Variants in ABCA12 observed in about 807,000 individuals in gnomAD.
ABCA12 encodes the protein ATP binding cassette subfamily A member 12.
ABCA12 carries 156 observed loss-of-function variants against 293.5 expected under a neutral mutation model. The observed-to-expected ratio is 0.53, with a 90% CI of 0.47 to 0.61. ABCA12 has a LOEUF of 0.61. ABCA12 is among the 20% of genes least tolerant of loss of function. The pLI is 0.00. For synonymous variants in ABCA12, 1,063 were observed against 1,108.0 expected (o/e 0.96, Z 0.81); for missense variants, 2,797 against 3,090.2 (o/e 0.91, Z 2.25).
rs1699587892 is a variant in ABCA12 at position 214,978,983 on chromosome 2, G to A, written c.4798C>T (p.Gln1600Ter). The change falls in exon 32 of 53, where the codon CAA becomes TAA. Residue 1600 changes from glutamine to a stop codon, truncating the protein, a stop_gained. Coordinates refer to ENST00000272895, the MANE Select transcript of ABCA12 (RefSeq NM_173076.3). LOFTEE classifies it high-confidence loss of function. ...AGGTAGGCTTCGGGGAGATGTGATT[G>A]GATCATTGCTGTCACGGCCATGGTG... ...CDTMAVTAMI[Q>*]SHLPEAYLKE... The A allele has an allele frequency of 6.2e-7, 1 of 1,614,032 alleles. No homozygotes were observed.
chr2:215,123,270 T>C (rs1702846716), intron 1 of ABCA12, among the ~76,000 whole-genome samples: 1 of 152,094 alleles, frequency 6.6e-6, no homozygotes, highest in Non-Finnish European at 1.5e-5. Context: ...ACCTCCTAGA[T>C]CCAGTGATTC....
At chr2:215,131,300 C>G (rs1703049683) in intron 1 of ABCA12, among the ~76,000 whole-genome samples, 1 of 151,752 alleles carries the variant, frequency 6.6e-6, no homozygotes, top group African/African-American at 2.4e-5. Context: ...AATAGTTTCA[C>G]CAAGATTGGT....
At chr2:215,090,784 C>T (rs1238293519) in intron 2 of ABCA12, among the ~76,000 whole-genome samples, 1 of 152,160 alleles carries the variant, frequency 6.6e-6, no homozygotes, top group Non-Finnish European at 1.5e-5. Context: ...TCTCTACCCT[C>T]TTTTATCTAG....
chr2:215,012,949 G>A (rs962680237), intron 15 of ABCA12: 3 of 152,156 alleles, frequency 2.0e-5, no homozygotes. Context: ...TGATTTATCA[G>A]GCTAAGTCAT....
intron 8 of ABCA12, among the ~76,000 whole-genome samples, chr2:215,036,330 T>C (rs946924497): frequency 6.6e-6 from 1 of 152,224 alleles, no homozygotes; most frequent in African/African-American, 2.4e-5. Context: ...AAGGTAAAAG[T>C]TGAAATATGT....
chr2:215,118,459 C>A (rs1344429541), intron 1 of ABCA12, among the ~76,000 whole-genome samples: 1 of 151,964 alleles, frequency 6.6e-6, no homozygotes, highest in African/African-American at 2.4e-5. Context: ...AATACAATTT[C>A]TATATTTCAA....
chr2:215,010,429 G>T lies in ABCA12; in HGVS notation c.2374C>A (p.Pro792Thr), dbSNP rs1700346497. 6.2e-7 allele frequency: 1 copy of T among 1,613,628 alleles called. No individual in the cohort carries two copies. The highest frequency in any genetic ancestry group is 8.5e-7 in the Non-Finnish European group (1 of 1,179,744). Residue 792 changes from proline (P) to threonine (T), a missense_variant, in exon 18 of 53, where the codon CCC becomes ACC. Transcript: ENST00000272895. ...AAAGCCCAAATCACAGGTCCAGCGG[G>T]CATGTTAATGATGTCTTTATAAAGG... Reference protein sequence around the residue: ...FSLYKDIINMPAGPVIWAFLK... With the variant: ...FSLYKDIINMTAGPVIWAFLK...
chr2:214,950,536 ACT>A (rs773489633), intron 45 of ABCA12, among the ~76,000 whole-genome samples: 18 of 144,860 alleles, frequency 1.2e-4, no homozygotes, highest in Non-Finnish European at 2.6e-4. Context: ...AGGCAGAATC[ACT>A]CTGTCACCCA....
intron 3 of ABCA12, among the ~76,000 whole-genome samples, chr2:215,063,420 G>A (rs1434531954): frequency 2.0e-5 from 3 of 151,908 alleles, no homozygotes; most frequent in African/African-American, 4.8e-5. Flanking sequence ...AGACAGATAG[G>A]CTTCTGGGAG....
chr2:214,994,673 A>G (rs1699998005), intron 23 of ABCA12, among the ~76,000 whole-genome samples: 1 of 152,212 alleles, frequency 6.6e-6, no homozygotes, highest in Non-Finnish European at 1.5e-5. Context: ...TTAGTATGAT[A>G]TAAAGGATGT....
At chr2:214,987,858 A>G (rs1169597314) in intron 26 of ABCA12, 65 bp from the exon 27 acceptor site, 3 of 1,565,100 alleles carry the variant, frequency 1.9e-6, no homozygotes, top group Non-Finnish European at 2.6e-6. Flanking sequence ...CATCAGAAAC[A>G]AAACAGTAGA....
chr2:214,955,932 C>T (rs1391001754), intron 42 of ABCA12, among the ~76,000 whole-genome samples: 1 of 152,094 alleles, frequency 6.6e-6, no homozygotes, highest in Non-Finnish European at 1.5e-5. Context: ...TTTTAGGTTG[C>T]TCAGAAATAT....
rs191670598 is a variant in ABCA12 at position 214,970,372 on chromosome 2, G to T, written c.5591C>A (p.Pro1864Gln). Reference protein sequence around the residue: ...QECPKFNYSPPHRRTYSSQVI... With the variant: ...QECPKFNYSPQHRRTYSSQVI... ...CTGGGATGAGTAAGTTCTTCTGTGC[G>T]GTGGGGAATAGTTAAATTTAGGACA... The change falls in exon 37 of 53, where the codon CCG (proline) becomes CAG (glutamine). Residue 1864 changes from proline (P) to glutamine (Q), a missense_variant. By Grantham distance (76) the Pro-to-Gln change is moderately conservative. This residue lies in a region of ABCA12 where 2,130 missense variants were observed against 2,427.0 expected (regional missense o/e 0.88). Transcript: ENST00000272895. 4 of 1,613,156 alleles carry T rather than the reference G, an allele frequency of 2.5e-6. No homozygotes were observed. The highest frequency in any genetic ancestry group is 3.4e-6 in the Non-Finnish European group (4 of 1,179,382).
intron 1 of ABCA12, among the ~76,000 whole-genome samples, chr2:215,114,776 G>A (rs1449820483): frequency 5.3e-5 from 8 of 152,130 alleles, no homozygotes; most frequent in Admixed American, 5.2e-4. Flanking sequence ...AGACTAGAAA[G>A]AATTAAGGTT....
At position 214,995,533 on chromosome 2, in the gene ABCA12, T is replaced by C. The variant is rs867381131; in HGVS notation, c.3294+2162A>G. Among the ~76,000 whole-genome samples, 4 of 152,148 alleles carry C rather than the reference T, an allele frequency of 2.6e-5. No homozygotes were observed. In the South Asian group the frequency reaches 8.3e-4, roughly 32 times the overall value. Reference sequence around the variant, plus strand: ...TTCCGTTCTACTGCCAGATCTACCATTAACTAGCTCCAAGGTCTTCAGCAA... The same window carrying C: ...TTCCGTTCTACTGCCAGATCTACCACTAACTAGCTCCAAGGTCTTCAGCAA... On this transcript the variant is annotated intron_variant, in intron 23 of 52. Coordinates refer to ENST00000272895, the MANE Select transcript of ABCA12 (RefSeq NM_173076.3).
At chr2:214,973,384 T>C (rs1699431237) in intron 36 of ABCA12, among the ~76,000 whole-genome samples, 1 of 152,222 alleles carries the variant, frequency 6.6e-6, no homozygotes, top group South Asian at 2.1e-4. Flanking sequence ...CTTGAACTTC[T>C]CTAGTGAATG....
chr2:215,092,290 G>T (rs561078203), intron 2 of ABCA12, among the ~76,000 whole-genome samples: 1 of 152,056 alleles, frequency 6.6e-6, no homozygotes, highest in African/African-American at 2.4e-5. Flanking sequence ...TGCCAATTTG[G>T]ACAATATTCT....
chr2:214,933,003 G>A (rs112928757), intron 52 of ABCA12, among the ~76,000 whole-genome samples: 127 of 152,124 alleles, frequency 8.3e-4, no homozygotes, highest in African/African-American at 2.8e-3. Context: ...TTATAATCAT[G>A]TCAATCTTAA....
chr2:215,088,255 A>G (rs1294298670), intron 2 of ABCA12, among the ~76,000 whole-genome samples: 3 of 152,238 alleles, frequency 2.0e-5, no homozygotes, highest in African/African-American at 7.2e-5. Flanking sequence ...GGGATAATAT[A>G]ATGAAGATCT....
Sources: gnomAD v4.1 joint callset for allele counts (sites outside exome capture counted in the v4.1 genomes callset) on GRCh38, gnomAD v4.1.1 for gene constraint, gnomAD v4.1.1 regional missense constraint, MANE v1.5 for transcripts, NCBI Gene and HGNC (gene_info 2026-07-23, HGNC 2026-07-21) for gene names.